CLIC6: variants seen among roughly 807,000 people sequenced by gnomAD.
CLIC6 encodes the protein chloride intracellular channel protein 6.
In CLIC6, 39 loss-of-function variants were observed where a neutral mutation model predicts 49.2. That is an observed-to-expected ratio of 0.79 (90% CI 0.61 to 1.04). The LOEUF is 1.04. Ranked by LOEUF, CLIC6 falls within the 50% of genes least tolerant of loss-of-function variation. CLIC6 has a pLI of 0.00. For synonymous variants in CLIC6, 446 were observed against 433.4 expected, an observed-to-expected ratio of 1.03 and a Z score of -0.36; for missense variants, 988 against 993.1, an observed-to-expected ratio of 0.99 and a Z score of 0.07.
intron 2 of CLIC6, 104 bp from the exon 3 acceptor site, chr21:34,707,840 C>A: frequency 8.0e-7 from 1 of 1,248,312 alleles, no homozygotes; most frequent in Non-Finnish European, 1.1e-6. Flanking sequence ...CTTTGCAGTT[C>A]TCAAGAGTTG....
chr21:34,679,306 AACTC>A (rs1159279739), intron 1 of CLIC6, among the ~76,000 whole-genome samples: 2 of 152,188 alleles, frequency 1.3e-5, no homozygotes, highest in African/African-American at 4.8e-5. Flanking sequence ...ATCTGGTGAG[AACTC>A]ACTCACTATC....
rs1191175240 is a variant in CLIC6 at position 34,700,879 on chromosome 21, T to A, written c.1375-6401T>A. ...GTGCTCAGCCGTCCAGGTGAGCCCT[T>A]CTCTGGACCTTTCACAAGAGGTTTG... On this transcript the variant is annotated intron_variant, in intron 1 of 5. Transcript: ENST00000349499. 2.9e-5 allele frequency among the ~76,000 whole-genome samples: 4 copies of A among 139,878 alleles called. 1 individual carries two copies. The East Asian group carries it at 8.2e-4, about 29-fold the overall frequency. The allele number at this position is 139,878 out of a possible 152,430, so 91.8% of individuals were successfully genotyped here.
chr21:34,682,801 ATTTTTTTTTTTTTT>A (rs1172251761), intron 1 of CLIC6, among the ~76,000 whole-genome samples: 3 of 69,302 alleles, frequency 4.3e-5, no homozygotes, highest in Middle Eastern at 0.013. Context: ...CTTTCCCTCC[ATTTTTTTTTTTTTT>A]TTTTTTTTTT....
intron 3 of CLIC6, 148 bp downstream of exon 3, chr21:34,708,217 T>C (rs1276907409): frequency 5.3e-6 from 5 of 945,990 alleles, no homozygotes; most frequent in Non-Finnish European, 8.0e-6. Flanking sequence ...TGTAACCAGA[T>C]TAGAGTTCGG....
At chr21:34,687,259 T>G (rs1822988210) in intron 1 of CLIC6, among the ~76,000 whole-genome samples, 1 of 152,162 alleles carries the variant, frequency 6.6e-6, no homozygotes, top group South Asian at 2.1e-4. Flanking sequence ...TTTTTCCCTT[T>G]TGAGTCACTG....
chr21:34,684,683 G>A (rs1033597413), intron 1 of CLIC6, among the ~76,000 whole-genome samples: 1 of 152,364 alleles, frequency 6.6e-6, no homozygotes, highest in Middle Eastern at 3.4e-3. Context: ...GCACATGAAA[G>A]ATTATTTCCT....
At chr21:34,690,236 G>A (rs1244719138) in intron 1 of CLIC6, among the ~76,000 whole-genome samples, 2 of 152,154 alleles carry the variant, frequency 1.3e-5, no homozygotes, top group Non-Finnish European at 1.5e-5. Flanking sequence ...AGCGGTGCAG[G>A]ATCAGCCTCG....
intron 1 of CLIC6, among the ~76,000 whole-genome samples, chr21:34,697,109 T>C (rs73196814): frequency 0.053 from 7,994 of 152,148 alleles, 318 homozygotes; most frequent in Middle Eastern, 0.075. Flanking sequence ...TTGAGAGTGA[T>C]TTAGAGATTC....
In CLIC6 at chr21:34,717,432, C is replaced by T. The variant is rs2056094085; in HGVS notation, c.*950C>T. 2.0e-5 allele frequency: 3 copies of T among 152,140 alleles called. No homozygotes were observed. The highest frequency in any genetic ancestry group is 2.0e-4 in the Admixed American group (3 of 15,268). The allele number at this position is 152,140 out of a possible 1,614,324, so 9.4% of individuals were successfully genotyped here. A position where few individuals can be genotyped will look rare whatever the true frequency, so the allele number is the denominator to read the frequency against. On this transcript the variant is annotated 3_prime_UTR_variant, in exon 6 of 6. Coordinates refer to ENST00000349499, the MANE Select transcript of CLIC6 (RefSeq NM_053277.3). ...GCAATACTTCTCTGCCCTTCATTGT[C>T]TCATCTAGACATCAAGCAGGGAAAA...
chr21:34,673,959 G>C (rs1214509584), intron 1 of CLIC6, among the ~76,000 whole-genome samples: 1 of 152,192 alleles, frequency 6.6e-6, no homozygotes, highest in African/African-American at 2.4e-5. Flanking sequence ...GGTGGGTTTT[G>C]TATGGCATAG....
intron 1 of CLIC6, 136 bp downstream of exon 1, chr21:34,670,898 C>G: frequency 1.9e-6 from 2 of 1,026,390 alleles, no homozygotes; most frequent in East Asian, 3.0e-5. Flanking sequence ...CATGCGCGGG[C>G]GGTAGGCGGG....
intron 2 of CLIC6, among the ~76,000 whole-genome samples, chr21:34,707,690 GTT>G (rs768214538): frequency 6.6e-6 from 1 of 152,212 alleles, no homozygotes; most frequent in Admixed American, 6.5e-5. Flanking sequence ...ACTGGGGAGA[GTT>G]AACTTTTTCA....
chr21:34,678,438 A>T (rs1159770310), intron 1 of CLIC6, among the ~76,000 whole-genome samples: 4 of 152,090 alleles, frequency 2.6e-5, no homozygotes, highest in Admixed American at 1.3e-4. Context: ...TCTAAAAAAA[A>T]AAAAAGAAAA....
chr21:34,702,433 T>C (rs1990207206), intron 1 of CLIC6, among the ~76,000 whole-genome samples: 1 of 152,112 alleles, frequency 6.6e-6, no homozygotes, highest in South Asian at 2.1e-4. Context: ...CACCCGCCAT[T>C]CCATATGCCA....
chr21:34,702,505 G>A (rs1601281894), intron 1 of CLIC6, among the ~76,000 whole-genome samples: 1 of 152,108 alleles, frequency 6.6e-6, no homozygotes, highest in South Asian at 2.1e-4. Flanking sequence ...CACATTCCAC[G>A]AGGGGTGTTC....
At chr21:34,695,742 G>A (rs1990077498) in intron 1 of CLIC6, among the ~76,000 whole-genome samples, 1 of 152,200 alleles carries the variant, frequency 6.6e-6, no homozygotes, top group Non-Finnish European at 1.5e-5. Context: ...TATGCTCTCT[G>A]GGTGCTTTTA....
At chr21:34,674,735 T>G (rs1273242183) in intron 1 of CLIC6, among the ~76,000 whole-genome samples, 1 of 152,250 alleles carries the variant, frequency 6.6e-6, no homozygotes, top group East Asian at 1.9e-4. Context: ...ATAGGGTAAC[T>G]CTGCAATATA....
At chr21:34,694,000 T>A (rs1304078601) in intron 1 of CLIC6, among the ~76,000 whole-genome samples, 1 of 143,612 alleles carries the variant, frequency 7.0e-6, no homozygotes, top group Non-Finnish European at 1.5e-5. Flanking sequence ...TTTGACGGAG[T>A]CTTGCTCTGT....
Position 34,669,615 on chromosome 21 carries a change from C to A in CLIC6, c.227C>A (p.Thr76Lys). Reference sequence around the variant, plus strand: ...GGCCCGGAGGCCGAGGCGCGGGGCACGAGGGGGGCGCACGGCGAGACTGAG... The same window carrying A: ...GGCCCGGAGGCCGAGGCGCGGGGCAAGAGGGGGGCGCACGGCGAGACTGAG... ...DRGPEAEARG[T>K]RGAHGETEAE... The change falls in exon 1 of 6, where the codon ACG (threonine) becomes AAG (lysine). Residue 76 changes from threonine (T) to lysine (K), a missense_variant. Physicochemically the swap from Thr to Lys is moderately conservative, Grantham distance 78 (BLOSUM62 -1). Coordinates refer to ENST00000349499, the MANE Select transcript of CLIC6 (RefSeq NM_053277.3). 6.3e-6 allele frequency: 8 copies of A among 1,272,798 alleles called. No homozygotes were observed. Among genetic ancestry groups the A allele is most frequent in the Non-Finnish European group, 7.9e-6 (8 of 1,012,434 alleles). 78.8% of individuals were successfully genotyped at this position (1,272,798 alleles called of 1,614,324 possible).
Sources: gnomAD v4.1 joint callset for allele counts (sites outside exome capture counted in the v4.1 genomes callset) on GRCh38, gnomAD v4.1.1 for gene constraint, MANE v1.5 for transcripts, NCBI Gene and HGNC (gene_info 2026-07-23, HGNC 2026-07-21) for gene names.